ZNF654: variants seen among roughly 807,000 people sequenced by gnomAD.
The protein encoded by ZNF654 is melanoma-associated antigen.
Under a neutral mutation model 95.3 loss-of-function variants are expected in ZNF654, and 19 were observed. The ratio of observed to expected loss-of-function variants is 0.20; its 90% CI spans 0.14 to 0.29. ZNF654 has a LOEUF of 0.29. Among genes scored for constraint, ZNF654 ranks in the 10% least tolerant of loss-of-function variants. ZNF654 has a pLI of 1.00. For synonymous variants in ZNF654, 413 were observed against 457.9 expected (o/e 0.90, Z 1.25); for missense variants, 1,046 against 1,341.0 (o/e 0.78, Z 3.44).
intron 2 of ZNF654, among the ~76,000 whole-genome samples, chr3:88,100,931 C>CA (rs958666229): frequency 1.3e-5 from 2 of 152,126 alleles, no homozygotes; most frequent in African/African-American, 4.8e-5. Flanking sequence ...GCACGTTGTG[C>CA]ACATGTACCC....
chr3:88,107,360 A>C (rs1425760862), intron 2 of ZNF654, among the ~76,000 whole-genome samples: 1 of 152,176 alleles, frequency 6.6e-6, no homozygotes, highest in Admixed American at 6.5e-5. Context: ...TTTGCATCTT[A>C]GACCTTTCTT....
intron 1 of ZNF654, among the ~76,000 whole-genome samples, chr3:88,077,693 T>TA (rs11379559): frequency 0.79 from 119,109 of 151,470 alleles, 47,575 homozygotes; most frequent in South Asian, 0.91. Context: ...CTGTAATACT[T>TA]ACTATTTTTA....
rs528564521 is a variant in ZNF654 at position 88,130,312 on chromosome 3, G to A, written c.893+486G>A. ...TTTGCTGTTTCATTAATTCTTAACA[G>A]AAAACTAGGTTTTATTTGCTAAACA... On this transcript the variant is annotated intron_variant, in intron 6 of 8. Transcript: ENST00000636215. 2.6e-5 allele frequency among the ~76,000 whole-genome samples: 4 copies of A among 152,202 alleles called. No individual in the cohort carries two copies. The South Asian group carries it at 8.3e-4, about 32-fold the overall frequency.
At position 88,092,490 on chromosome 3, in the gene ZNF654, C is replaced by T. The variant is rs184108850; in HGVS notation, c.332+6088C>T. Among the ~76,000 whole-genome samples the T allele has an allele frequency of 5.3e-3, 809 of 152,200 alleles. 5 individuals carry two copies. Among genetic ancestry groups the T allele is most frequent in the African/African-American group, 0.017 (694 of 41,526 alleles). On this transcript the variant is annotated intron_variant, in intron 2 of 8. Transcript: ENST00000636215. ...AGCAAAAATGTGCTGGGTGAGCTAA[C>T]TTGCTGTACTCTGAAGGAATGACAG... is the stretch of plus-strand genomic sequence containing the variant.
intron 3 of ZNF654, among the ~76,000 whole-genome samples, chr3:88,118,747 T>C (rs1026744126): frequency 1.3e-5 from 2 of 152,194 alleles, no homozygotes; most frequent in African/African-American, 2.4e-5. Flanking sequence ...TTTTCAAAAC[T>C]GTGCTACCAT....
chr3:88,074,538 C>G (rs1707693673), intron 1 of ZNF654, among the ~76,000 whole-genome samples: 1 of 151,936 alleles, frequency 6.6e-6, no homozygotes, highest in Non-Finnish European at 1.5e-5. Flanking sequence ...GACAGGATTT[C>G]ACCATGTTGG....
At chr3:88,107,387 A>C (rs1169459043) in intron 2 of ZNF654, among the ~76,000 whole-genome samples, 1 of 152,070 alleles carries the variant, frequency 6.6e-6, no homozygotes, top group Admixed American at 6.5e-5. Flanking sequence ...TTAATTTCCC[A>C]TGTTTTTGTA....
intron 1 of ZNF654, among the ~76,000 whole-genome samples, chr3:88,083,772 A>G (rs1641766830): frequency 6.6e-6 from 1 of 152,260 alleles, no homozygotes; most frequent in African/African-American, 2.4e-5. Flanking sequence ...CCTGGCCACC[A>G]TTATGTTAAT....
chr3:88,142,435 A>G lies in ZNF654; in HGVS notation c.*783A>G, dbSNP rs1707178120. On this transcript the variant is annotated 3_prime_UTR_variant, in exon 9 of 9. Coordinates refer to ENST00000636215, the MANE Select transcript of ZNF654 (RefSeq NM_001350134.2). ...AAACCGATCAGTACTCTGGGGAGAG[A>G]TGAAAGGAATCTAAGACTTTACAGG... 6.6e-6 allele frequency: 1 copy of G among 152,394 alleles called. No homozygotes were observed. The allele number at this position is 152,394 out of a possible 1,614,324, so 9.4% of individuals were successfully genotyped here.
At chr3:88,103,954 G>A (rs185144215) in intron 2 of ZNF654, among the ~76,000 whole-genome samples, 104 of 151,752 alleles carry the variant, frequency 6.9e-4, no homozygotes, top group Non-Finnish European at 1.4e-3. Flanking sequence ...TTTAGACGGG[G>A]TTTTGTCATG....
chr3:88,109,354 A>AGT (rs1704951243), intron 2 of ZNF654, among the ~76,000 whole-genome samples: 2 of 152,300 alleles, frequency 1.3e-5, no homozygotes, highest in African/African-American at 4.8e-5. Flanking sequence ...ACCTTCAGTT[A>AGT]GTATATATAG....
intron 1 of ZNF654, among the ~76,000 whole-genome samples, chr3:88,072,447 T>A (rs1373825197): frequency 6.6e-6 from 1 of 152,188 alleles, no homozygotes; most frequent in African/African-American, 2.4e-5. Context: ...TCTAGCTCTG[T>A]GACTTTTTCT....
At chr3:88,135,373 T>G in intron 7 of ZNF654, 171 bp downstream of exon 7, 1 of 420,374 alleles carries the variant, frequency 2.4e-6, no homozygotes, top group Non-Finnish European at 4.0e-6. Flanking sequence ...ACTCTCAACA[T>G]GGGAGGCTGA....
At chr3:88,087,804 A>G (rs1336606612) in intron 2 of ZNF654, among the ~76,000 whole-genome samples, 2 of 152,228 alleles carry the variant, frequency 1.3e-5, no homozygotes, top group African/African-American at 4.8e-5. Context: ...ATGTAGTTCA[A>G]TCACCAGGCC....
chr3:88,116,780 T>A (rs1393234320), intron 3 of ZNF654, among the ~76,000 whole-genome samples: 1 of 152,142 alleles, frequency 6.6e-6, no homozygotes, highest in Non-Finnish European at 1.5e-5. Context: ...GCATCCTCTT[T>A]ACTCTCTCAT....
At chr3:88,066,302 G>A (rs1171687750) in intron 1 of ZNF654, among the ~76,000 whole-genome samples, 4 of 152,152 alleles carry the variant, frequency 2.6e-5, no homozygotes, top group African/African-American at 7.2e-5. Flanking sequence ...GCCAGGGTGT[G>A]GTGGCTCACA....
intron 7 of ZNF654, among the ~76,000 whole-genome samples, chr3:88,135,983 GATGT>G (rs1706759569): frequency 6.6e-6 from 1 of 151,946 alleles, no homozygotes. Context: ...TCACTCATTA[GATGT>G]ATGATCATGT....
chr3:88,131,731 G>C (rs1284794565), intron 6 of ZNF654, among the ~76,000 whole-genome samples: 12 of 152,134 alleles, frequency 7.9e-5, no homozygotes, highest in Middle Eastern at 3.4e-3. Context: ...AATAGCGTGG[G>C]TTATGATGGC....
intron 3 of ZNF654, among the ~76,000 whole-genome samples, chr3:88,116,977 A>G (rs1487790969): frequency 6.6e-6 from 1 of 152,196 alleles, no homozygotes; most frequent in Admixed American, 6.5e-5. Flanking sequence ...CTGGAAAGAT[A>G]AGACAGTTTA....
Sources: allele counts gnomAD v4.1 joint callset (sites outside exome capture counted in the v4.1 genomes callset), GRCh38; gene constraint gnomAD v4.1.1; transcripts MANE v1.5; gene names NCBI Gene and HGNC (gene_info 2026-07-23, HGNC 2026-07-21).